The following CWC27 variants were observed in gnomAD, a reference collection of about 807,000 sequenced individuals.
CWC27 encodes CWC27 spliceosome associated cyclophilin, also known as spliceosome-associated protein CWC27 homolog.
Under a neutral mutation model 63.6 loss-of-function variants are expected in CWC27, and 47 were observed. The observed-to-expected ratio is 0.74, with a 90% confidence interval of 0.58 to 0.94. The LOEUF is 0.94. CWC27 is among the 40% of genes least tolerant of loss of function. The probability of loss-of-function intolerance (pLI) is 0.00; values close to 1 mark genes in which losing one functional copy is unlikely to be tolerated. For missense variants in CWC27, 495 were observed against 554.3 expected (o/e 0.89, Z 1.07); for synonymous variants, 175 against 179.8 (o/e 0.97, Z 0.22).
chr5:64,933,646 C>T (rs560855639), intron 11 of CWC27, among the ~76,000 whole-genome samples: 2 of 152,164 alleles, frequency 1.3e-5, no homozygotes, highest in South Asian at 4.2e-4. Context: ...GCATGCACCA[C>T]CATGCCTGGC....
At chr5:64,966,888 T>G (rs1370143919) in intron 11 of CWC27, among the ~76,000 whole-genome samples, 2 of 120,962 alleles carry the variant, frequency 1.7e-5, no homozygotes, top group Non-Finnish European at 3.9e-5. Context: ...ATAAAAATTT[T>G]TGTTTGTTTT....
At chr5:64,882,857 A>G (rs926450931) in intron 10 of CWC27, among the ~76,000 whole-genome samples, 3 of 152,154 alleles carry the variant, frequency 2.0e-5, no homozygotes, top group African/African-American at 4.8e-5. Flanking sequence ...TGGCCTCCCA[A>G]AGTGCTGGGA....
chr5:64,965,263 T>G (rs1748991755), intron 11 of CWC27, among the ~76,000 whole-genome samples: 1 of 152,166 alleles, frequency 6.6e-6, no homozygotes, highest in South Asian at 2.1e-4. Context: ...GTTCTTAACT[T>G]CTATTACAAA....
intron 11 of CWC27, among the ~76,000 whole-genome samples, chr5:64,950,623 C>T (rs1487777064): frequency 6.6e-6 from 1 of 151,884 alleles, no homozygotes; most frequent in Non-Finnish European, 1.5e-5. Flanking sequence ...CTTTTAAAAT[C>T]AGCTTTATTG....
intron 13 of CWC27, among the ~76,000 whole-genome samples, chr5:65,007,124 T>C (rs1488564464): frequency 1.3e-5 from 2 of 152,206 alleles, no homozygotes; most frequent in Admixed American, 1.3e-4. Flanking sequence ...ATGTTGCTAG[T>C]ATGTACCCTT....
At chr5:64,957,688 G>A (rs992606743) in intron 11 of CWC27, among the ~76,000 whole-genome samples, 1 of 152,090 alleles carries the variant, frequency 6.6e-6, no homozygotes, top group Non-Finnish European at 1.5e-5. Flanking sequence ...TATCTGACAG[G>A]CTCCCTGATA....
chr5:64,894,889 T>G (rs529127206), intron 11 of CWC27, among the ~76,000 whole-genome samples: 1 of 152,336 alleles, frequency 6.6e-6, no homozygotes, highest in African/African-American at 2.4e-5. Flanking sequence ...AGCGAGGGTC[T>G]AACAAGACTA....
chr5:64,929,786 A>G (rs868164632), intron 11 of CWC27, among the ~76,000 whole-genome samples: 14 of 152,220 alleles, frequency 9.2e-5, no homozygotes, highest in Middle Eastern at 3.4e-3. Flanking sequence ...AAATGGTACA[A>G]CTGCTTTGGA....
chr5:64,808,010 T>A, intron 10 of CWC27: 1 of 1,379,116 alleles, frequency 7.3e-7, no homozygotes, highest in African/African-American at 1.5e-5. Flanking sequence ...TTTCCATTTT[T>A]TTTTCTTGGT....
chr5:64,860,372 C>T (rs1746367380), intron 10 of CWC27, among the ~76,000 whole-genome samples: 1 of 152,120 alleles, frequency 6.6e-6, no homozygotes, highest in Admixed American at 6.5e-5. Flanking sequence ...TCTGTCTAAA[C>T]AAAGCTTTTG....
Position 64,977,207 on chromosome 5 carries a change from C to T in CWC27, c.1225C>T (p.Pro409Ser). 6.2e-7 allele frequency: 1 copy of T among 1,611,608 alleles called. No homozygotes were observed. The highest frequency in any genetic ancestry group is 8.5e-7 in the Non-Finnish European group (1 of 1,178,364). The change falls in exon 13 of 14, where the codon CCT (proline) becomes TCT (serine). Residue 409 changes from proline to serine, a missense_variant. Physicochemically the swap from Pro to Ser is moderately conservative, Grantham distance 74 (BLOSUM62 -1). This residue lies in a region of CWC27 where 463 missense variants were observed against 498.1 expected (regional missense o/e 0.93). Coordinates refer to ENST00000381070, the MANE Select transcript of CWC27 (RefSeq NM_005869.4). ...AIAETPENDI[P>S]ETEVEDDEGW... Reference sequence around the variant, plus strand: ...TGCTGAAACGCCTGAAAATGACATTCCTGAAACAGAAGTAGAAGATGATGA... The same window carrying T: ...TGCTGAAACGCCTGAAAATGACATTTCTGAAACAGAAGTAGAAGATGATGA...
chr5:64,923,338 C>T (rs540947369), intron 11 of CWC27, among the ~76,000 whole-genome samples: 2 of 152,160 alleles, frequency 1.3e-5, no homozygotes, highest in South Asian at 4.2e-4. Context: ...AGACCTGTCT[C>T]AGCAGGACTG....
intron 11 of CWC27, among the ~76,000 whole-genome samples, chr5:64,893,084 C>T (rs1747280239): frequency 6.6e-6 from 1 of 152,156 alleles, no homozygotes; most frequent in South Asian, 2.1e-4. Flanking sequence ...CGTGTGCATG[C>T]GCACACACAC....
chr5:64,854,914 C>T (rs1158439683), intron 10 of CWC27, among the ~76,000 whole-genome samples: 2 of 151,920 alleles, frequency 1.3e-5, no homozygotes, highest in East Asian at 1.9e-4. Context: ...TTAGTATACC[C>T]TGGAATTAAG....
At chr5:64,882,585 AGTTGTTGTT>A (rs529962877) in intron 10 of CWC27, among the ~76,000 whole-genome samples, 14 of 151,712 alleles carry the variant, frequency 9.2e-5, no homozygotes, top group African/African-American at 2.7e-4. Context: ...GTTTCCTTTT[AGTTGTTGTT>A]GTTGTTGTTG....
At chr5:64,806,176 C>T (rs944007581) in intron 10 of CWC27, among the ~76,000 whole-genome samples, 2 of 152,086 alleles carry the variant, frequency 1.3e-5, no homozygotes, top group Non-Finnish European at 2.9e-5. Context: ...AACAATTTTT[C>T]TCTTTTTATA....
At chr5:64,809,556 A>T (rs1401980229) in intron 10 of CWC27, among the ~76,000 whole-genome samples, 1 of 152,006 alleles carries the variant, frequency 6.6e-6, no homozygotes, top group African/African-American at 2.4e-5. Flanking sequence ...TTCAGTAGAG[A>T]CAGGGTTTCA....
At chr5:64,955,638 C>T (rs981672802) in intron 11 of CWC27, among the ~76,000 whole-genome samples, 2 of 152,056 alleles carry the variant, frequency 1.3e-5, no homozygotes, top group Admixed American at 6.6e-5. Context: ...AGCTTTTCCC[C>T]TACCTTCACT....
chr5:64,961,407 T>C (rs1451747486), intron 11 of CWC27, among the ~76,000 whole-genome samples: 2 of 152,152 alleles, frequency 1.3e-5, no homozygotes, highest in African/African-American at 2.4e-5. Context: ...CCCTTTCATA[T>C]ATATATATAT....
Sources: allele counts gnomAD v4.1 joint callset (sites outside exome capture counted in the v4.1 genomes callset), GRCh38; gene constraint gnomAD v4.1.1; regional missense constraint gnomAD v4.1.1; transcripts MANE v1.5; gene names NCBI Gene and HGNC (gene_info 2026-07-23, HGNC 2026-07-21).